Variants in SGSM2 observed in about 807,000 individuals in gnomAD.
SGSM2 encodes the protein small G protein signaling modulator 2.
In SGSM2, 89 loss-of-function variants were observed where a neutral mutation model predicts 126.6. The ratio of observed to expected loss-of-function variants is 0.70; its 90% confidence interval spans 0.59 to 0.84. The LOEUF (loss-of-function observed/expected upper bound fraction) is 0.84. SGSM2 is among the 40% of genes least tolerant of loss of function. SGSM2 has a pLI of 0.00. For missense variants in SGSM2, 1,404 were observed against 1,416.6 expected (o/e 0.99, Z 0.14); for synonymous variants, 614 against 574.3 (o/e 1.07, Z -0.99).
intron 13 of SGSM2, 119 bp downstream of exon 13, chr17:2,371,534 C>A: frequency 1.6e-6 from 2 of 1,281,954 alleles, no homozygotes; most frequent in Non-Finnish European, 2.1e-6. Flanking sequence ...TGGGACAGAT[C>A]TGGGTTCAAA....
At chr17:2,377,534 GT>G in intron 21 of SGSM2, 1 of 225,216 alleles carries the variant, frequency 4.4e-6, no homozygotes, top group Non-Finnish European at 8.6e-6. Context: ...GAGGAGGAGT[GT>G]GTGTGTGTGT....
Position 2,337,792 on chromosome 17 carries a change from C to T in SGSM2, c.57+47C>T. On this transcript the variant is annotated intron_variant, in intron 1 of 23. Coordinates refer to ENST00000268989, the MANE Select transcript of SGSM2 (RefSeq NM_014853.3). The surrounding 1 kb of genome is among the most constrained non-coding windows in gnomAD (Gnocchi z 5.1). ...CGGGGGGCTCGCGCCCTGGCCCGCG[C>T]GGCCCAGGGGGCAGAAAGGTCCGCG... The T allele has an allele frequency of 6.9e-7, 1 of 1,441,148 alleles. No homozygotes were observed. The highest frequency in any genetic ancestry group is 3.0e-5 in the East Asian group (1 of 33,292). The allele number at this position is 1,441,148 out of a possible 1,614,324, so 89.3% of individuals were successfully genotyped here.
chr17:2,342,529 A>C (rs2064418566), intron 1 of SGSM2, among the ~76,000 whole-genome samples: 1 of 152,182 alleles, frequency 6.6e-6, no homozygotes, highest in African/African-American at 2.4e-5. Flanking sequence ...GAAGGTGATG[A>C]GGCGAGGGTG....
Position 2,372,607 on chromosome 17 carries a change from T to C in SGSM2, c.1788+119T>C. The C allele has an allele frequency of 2.2e-6, 3 of 1,366,504 alleles. No homozygotes were observed. The highest frequency in any genetic ancestry group is 4.9e-5 in the East Asian group (2 of 40,618). The allele number at this position is 1,366,504 out of a possible 1,614,324, so 84.6% of individuals were successfully genotyped here. Reference sequence around the variant, plus strand: ...ACAGGCCAGGGCCGATGCCACGGAGTGACCAGGGTCCCGGCAGAATCTCTT... The same window carrying C: ...ACAGGCCAGGGCCGATGCCACGGAGCGACCAGGGTCCCGGCAGAATCTCTT... On this transcript the variant is annotated intron_variant, in intron 15 of 23. Coordinates refer to ENST00000268989, the MANE Select transcript of SGSM2 (RefSeq NM_014853.3). This position sits in a 1 kb window ranked among gnomAD's most constrained non-coding sequence, Gnocchi z 6.0.
In SGSM2 at chr17:2,376,772, C is replaced by A; in HGVS notation, c.2649C>A (p.Gly883=). ...ACCTGGACGTGGGCTATGTGCAGGG[C>A]ATGTGCGATCTGCTGGCGCCTCTCC... is the stretch of plus-strand genomic sequence containing the variant. The part of the protein sequence containing the change: ...WEHLDVGYVQ[G]MCDLLAPLLV... The change falls in exon 20 of 24, where the codon GGC becomes GGA. Residue 883 remains glycine (G), a synonymous_variant. Transcript: ENST00000268989. The A allele has an allele frequency of 6.2e-7, 1 of 1,614,100 alleles. No homozygotes were observed.
chr17:2,338,328 C>A (rs1181248540), intron 1 of SGSM2, among the ~76,000 whole-genome samples: 3 of 151,932 alleles, frequency 2.0e-5, no homozygotes, highest in Admixed American at 1.3e-4. Flanking sequence ...GTTTTTAACA[C>A]TCGGAAGTTT....
In SGSM2 at chr17:2,363,706, G is replaced by C. The variant is rs369775574; in HGVS notation, c.807+107G>C. 4.6e-5 allele frequency: 67 copies of C among 1,451,724 alleles called. No individual in the cohort carries two copies. The highest frequency in any genetic ancestry group is 2.3e-4 in the Middle Eastern group (1 of 4,336). The allele number at this position is 1,451,724 out of a possible 1,614,324, so 89.9% of individuals were successfully genotyped here. ...TCCTGAGGAGCTTGACCAGAGACGG[G>C]GGGGAGAATGGCCCCAGCCTCCCAA... On this transcript the variant is annotated intron_variant, in intron 7 of 23. Transcript: ENST00000268989. This position sits in a 1 kb window ranked among gnomAD's most constrained non-coding sequence, Gnocchi z 4.2.
Position 2,380,148 on chromosome 17 carries a change from C to T in SGSM2, c.*628C>T. On this transcript the variant is annotated 3_prime_UTR_variant, in exon 24 of 24. Transcript: ENST00000268989. The stretch of plus-strand genomic sequence containing the variant: ...GTGGGAGCAGCCCACTTCAGCAGCA[C>T]TGCCACTGCCTTTGGCCACCTGAGG... 2 of 1,461,040 alleles carry T rather than the reference C, an allele frequency of 1.4e-6. No homozygotes were observed. The highest frequency in any genetic ancestry group is 2.6e-5 in the East Asian group (1 of 38,028). 90.5% of individuals were successfully genotyped at this position (1,461,040 alleles called of 1,614,324 possible). A position where few individuals can be genotyped will look rare whatever the true frequency, so the allele number is the denominator to read the frequency against.
chr17:2,375,855 G>C lies in SGSM2; in HGVS notation c.2464G>C (p.Val822Leu). The C allele has an allele frequency of 6.5e-7, 1 of 1,526,922 alleles. No homozygotes were observed. Among genetic ancestry groups the C allele is most frequent in the Non-Finnish European group, 8.7e-7 (1 of 1,143,154 alleles). The allele number at this position is 1,526,922 out of a possible 1,614,324, so 94.6% of individuals were successfully genotyped here. The change falls in exon 18 of 24, where the codon GTG becomes CTG. Residue 822 changes from valine (V) to leucine (L), a missense_variant. Coordinates refer to ENST00000268989, the MANE Select transcript of SGSM2 (RefSeq NM_014853.3). ...ELEAGEELAAVCAAAYTIELL... is the reference protein window; with the variant it reads ...ELEAGEELAALCAAAYTIELL... ...GGAGGCCGGAGAGGAGCTTGCGGCTGTGTGTGCGGCTGCCTACACTGTGCG... is the reference window on the plus strand; with the variant it reads ...GGAGGCCGGAGAGGAGCTTGCGGCTCTGTGTGCGGCTGCCTACACTGTGCG...
Position 2,379,084 on chromosome 17 carries a change from C to T in SGSM2, c.2948C>T (p.Ala983Val). Residue 983 changes from alanine (A) to valine (V), a missense_variant, in exon 23 of 24, where the codon GCC (alanine) becomes GTC (valine). Transcript: ENST00000268989. Reference protein sequence around the residue: ...VFAVWEVIWAARHISSEHFVL... With the variant: ...VFAVWEVIWAVRHISSEHFVL... Reference sequence around the variant, plus strand: ...GCTGTGTGGGAGGTGATCTGGGCAGCCAGGCACATCTCATCGGAGCACTTT... The same window carrying T: ...GCTGTGTGGGAGGTGATCTGGGCAGTCAGGCACATCTCATCGGAGCACTTT... The T allele has an allele frequency of 6.2e-7, 1 of 1,614,232 alleles. No homozygotes were observed. The highest frequency in any genetic ancestry group is 8.5e-7 in the Non-Finnish European group (1 of 1,180,032).
chr17:2,371,730 A>G (rs2065881081), intron 13 of SGSM2: 1 of 401,924 alleles, frequency 2.5e-6, no homozygotes, highest in Non-Finnish European at 4.5e-6. Flanking sequence ...TCATGGGCTC[A>G]GTGCCCGTGA....
chr17:2,364,423 T>C (rs1222283910), intron 8 of SGSM2, 173 bp from the exon 9 acceptor site: 2 of 818,908 alleles, frequency 2.4e-6, no homozygotes, highest in Admixed American at 4.4e-5. Context: ...CAGCTGTCCA[T>C]GTGCCGAGCG....
At position 2,363,984 on chromosome 17, in the gene SGSM2, A is replaced by G; in HGVS notation, c.808-75A>G. On this transcript the variant is annotated intron_variant, in intron 7 of 23. Transcript: ENST00000268989. The surrounding 1 kb of genome is among the most constrained non-coding windows in gnomAD (Gnocchi z 4.2). Reference sequence around the variant, plus strand: ...CTTGGCCTCCCCTCCTCCCAGCGGGAGCTCATTTCTCATAGGCCATCCCTG... The same window carrying G: ...CTTGGCCTCCCCTCCTCCCAGCGGGGGCTCATTTCTCATAGGCCATCCCTG... 6 of 1,535,640 alleles carry G rather than the reference A, an allele frequency of 3.9e-6. No individual in the cohort carries two copies. Among genetic ancestry groups the G allele is most frequent in the African/African-American group, 1.4e-5 (1 of 73,322 alleles).
rs903846380 is a variant in SGSM2, at chr17:2,362,003, G to A, written c.297-106G>A. ...CTCCTTCACCTCCCAACCCCAGTCAGTTCTCTGTGCTCCCATCTTGGGGTA... is the reference window on the plus strand; with the variant it reads ...CTCCTTCACCTCCCAACCCCAGTCAATTCTCTGTGCTCCCATCTTGGGGTA... On this transcript the variant is annotated intron_variant, in intron 3 of 23. Coordinates refer to ENST00000268989, the MANE Select transcript of SGSM2 (RefSeq NM_014853.3). This position sits in a 1 kb window ranked among gnomAD's most constrained non-coding sequence, Gnocchi z 4.9. 6.9e-7 allele frequency: 1 copy of A among 1,439,960 alleles called. No homozygotes were observed. The highest frequency in any genetic ancestry group is 9.3e-7 in the Non-Finnish European group (1 of 1,069,594). 89.2% of individuals were successfully genotyped at this position (1,439,960 alleles called of 1,614,324 possible).
In SGSM2 at chr17:2,375,869, C is replaced by T. The variant is rs377011301; in HGVS notation, c.2478C>T (p.Ala826=). 3.9e-6 allele frequency: 6 copies of T among 1,519,730 alleles called. No individual in the cohort carries two copies. In the African/African-American group the frequency reaches 6.9e-5, roughly 18 times the overall value. 94.1% of individuals were successfully genotyped at this position (1,519,730 alleles called of 1,614,324 possible). A position where few individuals can be genotyped will look rare whatever the true frequency, so the allele number is the denominator to read the frequency against. ...AGCTTGCGGCTGTGTGTGCGGCTGCCTACACTGTGCGTACATGCTCCCCAG... is the reference window on the plus strand; with the variant it reads ...AGCTTGCGGCTGTGTGTGCGGCTGCTTACACTGTGCGTACATGCTCCCCAG... The part of the protein sequence containing the change: ...GEELAAVCAA[A]YTIELLDTVA... Residue 826 remains alanine (A), a synonymous_variant, in exon 18 of 24, where the codon GCC becomes GCT. Transcript: ENST00000268989.
Position 2,363,738 on chromosome 17 carries a change from G to A in SGSM2, c.807+139G>A. The A allele has an allele frequency of 1.6e-6, 2 of 1,282,428 alleles. No homozygotes were observed. The highest frequency in any genetic ancestry group is 2.1e-6 in the Non-Finnish European group (2 of 938,276). 79.4% of individuals were successfully genotyped at this position (1,282,428 alleles called of 1,614,324 possible). ...AATGGCCCCAGCCTCCCAACTCCCT[G>A]TTTCACACGACTCACGCCCAGCCTT... On this transcript the variant is annotated intron_variant, in intron 7 of 23. Transcript: ENST00000268989. The surrounding 1 kb of genome is among the most constrained non-coding windows in gnomAD (Gnocchi z 4.2).
chr17:2,357,469 C>T (rs2065132066), intron 2 of SGSM2, among the ~76,000 whole-genome samples: 1 of 152,092 alleles, frequency 6.6e-6, no homozygotes, highest in African/African-American at 2.4e-5. Context: ...TTCGCAGCAA[C>T]CTGGATGGGA....
rs1396645922 is a variant in SGSM2 at position 2,352,926 on chromosome 17, C to T, written c.134-8711C>T. On this transcript the variant is annotated intron_variant, in intron 2 of 23. Transcript: ENST00000268989. ...CCGAGTAGCTGGGACTACAGGCGTC[C>T]GCCACCACGCCCGGCTAATTTTTTG... Among the ~76,000 whole-genome samples the T allele has an allele frequency of 7.6e-5, 11 of 144,226 alleles. 2 individuals carry two copies. Among genetic ancestry groups the T allele is most frequent in the Admixed American group, 6.1e-4 (9 of 14,660 alleles). 94.6% of individuals were successfully genotyped at this position (144,226 alleles called of 152,430 possible).
chr17:2,376,378 T>A (rs1335263710), intron 19 of SGSM2, 117 bp downstream of exon 19: 1 of 1,378,688 alleles, frequency 7.3e-7, no homozygotes, highest in Non-Finnish European at 9.8e-7. Flanking sequence ...CACACTTGGC[T>A]CCCCCTGCCT....
Sources: gnomAD v4.1 joint callset for allele counts (sites outside exome capture counted in the v4.1 genomes callset) on GRCh38, gnomAD v4.1.1 for gene constraint, Gnocchi (gnomAD v3.1) non-coding constraint, MANE v1.5 for transcripts, NCBI Gene and HGNC (gene_info 2026-07-23, HGNC 2026-07-21) for gene names.